Variants in RXFP1 observed in about 807,000 individuals in gnomAD.
The protein encoded by RXFP1 is relaxin family peptide receptor 1, also known as relaxin receptor 1.
RXFP1 carries 73 observed loss-of-function variants against 89.8 expected under a neutral mutation model. The ratio of observed to expected loss-of-function variants is 0.81; its 90% confidence interval spans 0.67 to 0.99. The LOEUF (loss-of-function observed/expected upper bound fraction) is 0.99, where lower values mean the gene tolerates loss of function less well. Among genes scored for constraint, RXFP1 ranks in the 50% least tolerant of loss-of-function variants. The pLI, the probability that RXFP1 is intolerant of heterozygous loss-of-function variation, is 0.00. For missense variants in RXFP1, 793 were observed against 895.5 expected, an observed-to-expected ratio of 0.89 and a Z score of 1.46; for synonymous variants, 277 against 305.5, an observed-to-expected ratio of 0.91 and a Z score of 0.97.
chr4:158,578,460 G>C (rs1276939135), intron 2 of RXFP1, among the ~76,000 whole-genome samples: 3 of 152,150 alleles, frequency 2.0e-5, no homozygotes, highest in Non-Finnish European at 4.4e-5. Flanking sequence ...AAAAGTTGAG[G>C]GTTCTTCTTT....
rs994645278 is a variant in RXFP1 at position 158,651,796 on chromosome 4, T to G, written c.2015T>G (p.Ile672Ser). Residue 672 changes from isoleucine to serine, a missense_variant, in exon 18 of 18, where the codon ATT (isoleucine) becomes AGT (serine). By Grantham distance (142) the Ile-to-Ser change is moderately radical. Transcript: ENST00000307765. ...TSWVVIFILP[I>S]NSALNPILYT... ...TGGGTAGTGATTTTTATTCTGCCCA[T>G]TAACAGTGCTTTGAACCCAATTCTC... 1 of 1,613,848 alleles carries G rather than the reference T, an allele frequency of 6.2e-7. No homozygotes were observed. The highest frequency in any genetic ancestry group is 1.3e-5 in the African/African-American group (1 of 74,898).
intron 4 of RXFP1, among the ~76,000 whole-genome samples, chr4:158,603,190 A>T (rs1469699688): frequency 1.3e-5 from 2 of 152,152 alleles, no homozygotes; most frequent in African/African-American, 2.4e-5. Flanking sequence ...TGATCCTCAC[A>T]CCTTGGTCTC....
At chr4:158,573,088 A>C (rs1463891557) in intron 2 of RXFP1, 13 of 307,866 alleles carry the variant, frequency 4.2e-5, no homozygotes, top group South Asian at 8.9e-5. Flanking sequence ...GGCTCACTGC[A>C]ACCTCTGCCT....
In RXFP1 at chr4:158,604,440, T is replaced by C. The variant is rs370037306; in HGVS notation, c.393-628T>C. Among the ~76,000 whole-genome samples the C allele has an allele frequency of 3.9e-5, 6 of 152,192 alleles. 1 individual carries two copies. In the South Asian group the frequency reaches 1.2e-3, roughly 31 times the overall value. On this transcript the variant is annotated intron_variant, in intron 4 of 17. Transcript: ENST00000307765. The stretch of plus-strand genomic sequence containing the variant: ...TTTTGCTTTTACTACATTACATTGC[T>C]GTTCTAAAACAAAAAATTAAGGACT...
intron 4 of RXFP1, among the ~76,000 whole-genome samples, chr4:158,600,577 C>T (rs1411175078): frequency 2.0e-5 from 3 of 152,096 alleles, no homozygotes; most frequent in Non-Finnish European, 4.4e-5. Context: ...TCCTATGGAG[C>T]ACTTCTCTGA....
chr4:158,648,434 TTA>T (rs1771991023), intron 16 of RXFP1, 63 bp from the exon 17 acceptor site: 1 of 962,690 alleles, frequency 1.0e-6, no homozygotes, highest in Non-Finnish European at 1.5e-6. Flanking sequence ...AATGTTTTAT[TTA>T]TGTTTGTTCA....
chr4:158,594,472 A>G (rs1760139884), intron 3 of RXFP1, among the ~76,000 whole-genome samples: 1 of 151,136 alleles, frequency 6.6e-6, no homozygotes, highest in African/African-American at 2.4e-5. Context: ...CACTATGACA[A>G]TGACTATGAC....
intron 1 of RXFP1, among the ~76,000 whole-genome samples, chr4:158,570,846 C>A (rs947444321): frequency 6.6e-6 from 1 of 152,174 alleles, no homozygotes; most frequent in Non-Finnish European, 1.5e-5. Context: ...ACCTCATCAA[C>A]CTCAGCTCAT....
intron 1 of RXFP1, among the ~76,000 whole-genome samples, chr4:158,545,947 C>G (rs1344776489): frequency 1.3e-5 from 2 of 151,810 alleles, no homozygotes; most frequent in Middle Eastern, 3.4e-3. Flanking sequence ...TTTTTTCGTT[C>G]CATATGAACT....
intron 11 of RXFP1, among the ~76,000 whole-genome samples, chr4:158,629,952 A>G (rs553597257): frequency 3.0e-4 from 46 of 152,196 alleles, no homozygotes; most frequent in Non-Finnish European, 4.6e-4. Context: ...AAGAATCTGA[A>G]TGTGGACAGA....
At chr4:158,584,481 T>A (rs1453410011) in intron 2 of RXFP1, among the ~76,000 whole-genome samples, 1 of 152,020 alleles carries the variant, frequency 6.6e-6, no homozygotes, top group African/African-American at 2.4e-5. Flanking sequence ...ACAAGCCTTA[T>A]AAATTAACCA....
intron 8 of RXFP1, among the ~76,000 whole-genome samples, chr4:158,615,182 A>C (rs1294942940): frequency 6.6e-6 from 1 of 152,024 alleles, no homozygotes; most frequent in Non-Finnish European, 1.5e-5. Context: ...CTGAGGAGAG[A>C]GATATGGGGG....
Position 158,643,621 on chromosome 4 carries a change from G to A in RXFP1, c.1116-1288G>A, listed in dbSNP as rs186432463. ...CAAGTAGCTGGGACTACAGGTGTGC[G>A]CCACCATGCCTGGCTAATTTTTTGT... is the stretch of plus-strand genomic sequence containing the variant. On this transcript the variant is annotated intron_variant, in intron 14 of 17. Coordinates refer to ENST00000307765, the MANE Select transcript of RXFP1 (RefSeq NM_021634.4). Among the ~76,000 whole-genome samples the A allele has an allele frequency of 1.4e-3, 209 of 151,878 alleles. 1 individual carries two copies. Among genetic ancestry groups the A allele is most frequent in the Non-Finnish European group, 1.6e-3 (107 of 67,918 alleles).
chr4:158,523,396 A>G (rs1269869404), intron 1 of RXFP1, among the ~76,000 whole-genome samples: 1 of 152,162 alleles, frequency 6.6e-6, no homozygotes, highest in Non-Finnish European at 1.5e-5. Context: ...TTGGGAAGCA[A>G]CTTTGGCCAC....
chr4:158,619,586 C>G (rs1181185491), intron 9 of RXFP1, among the ~76,000 whole-genome samples: 1 of 152,172 alleles, frequency 6.6e-6, no homozygotes, highest in Non-Finnish European at 1.5e-5. Flanking sequence ...CTCTTTTTCA[C>G]TGATCTCCAC....
chr4:158,606,849 C>T (rs942220822), intron 5 of RXFP1, among the ~76,000 whole-genome samples: 1 of 151,704 alleles, frequency 6.6e-6, no homozygotes, highest in Non-Finnish European at 1.5e-5. Context: ...CAAAGCTCTG[C>T]AATTATGGGC....
At chr4:158,523,438 A>T (rs78393965) in intron 1 of RXFP1, among the ~76,000 whole-genome samples, 2,107 of 152,278 alleles carry the variant, frequency 0.014, 41 homozygotes, top group African/African-American at 0.047. Flanking sequence ...TTAGGAAAAA[A>T]ATTCCATGTT....
At chr4:158,532,366 T>C (rs887510697) in intron 1 of RXFP1, among the ~76,000 whole-genome samples, 3 of 152,284 alleles carry the variant, frequency 2.0e-5, no homozygotes, top group African/African-American at 4.8e-5. Flanking sequence ...GTCTTTGCTA[T>C]TGTGAATAGT....
At chr4:158,607,012 C>A (rs1163889765) in intron 5 of RXFP1, 3 of 1,433,920 alleles carry the variant, frequency 2.1e-6, no homozygotes, top group African/African-American at 2.8e-5. Flanking sequence ...TCTTATTGCT[C>A]CTAAAAGTTA....
Sources: allele counts gnomAD v4.1 joint callset (sites outside exome capture counted in the v4.1 genomes callset), GRCh38; gene constraint gnomAD v4.1.1; transcripts MANE v1.5; gene names NCBI Gene and HGNC (gene_info 2026-07-23, HGNC 2026-07-21).